Variants in CAMK1D observed in about 807,000 individuals in gnomAD.
CAMK1D encodes calcium/calmodulin-dependent protein kinase type 1D.
Under a neutral mutation model 47.7 loss-of-function variants are expected in CAMK1D, and 9 were observed. The ratio of observed to expected loss-of-function variants is 0.19; its 90% CI spans 0.11 to 0.33. The LOEUF is 0.33. Among genes scored for constraint, CAMK1D ranks in the 10% least tolerant of loss-of-function variants. CAMK1D has a pLI of 1.00. For missense variants in CAMK1D, 291 were observed against 488.7 expected, an observed-to-expected ratio of 0.60 and a Z score of 3.81; for synonymous variants, 184 against 184.9, an observed-to-expected ratio of 0.99 and a Z score of 0.04.
chr10:12,633,861 G>T (rs758570360), intron 2 of CAMK1D, among the ~76,000 whole-genome samples: 8 of 152,174 alleles, frequency 5.3e-5, no homozygotes, highest in Non-Finnish European at 8.8e-5. Context: ...CCAGCCAGGA[G>T]TTACTCTTTT....
At chr10:12,577,773 G>A (rs556236284) in intron 2 of CAMK1D, among the ~76,000 whole-genome samples, 7 of 152,320 alleles carry the variant, frequency 4.6e-5, no homozygotes, top group African/African-American at 1.7e-4. Flanking sequence ...ATGCTTGGCT[G>A]ACATCGTTAA....
chr10:12,397,983 C>G (rs1424114339), intron 1 of CAMK1D, among the ~76,000 whole-genome samples: 1 of 152,128 alleles, frequency 6.6e-6, no homozygotes, highest in African/African-American at 2.4e-5. Context: ...GCCGTCTACC[C>G]CCTCCCACAC....
chr10:12,670,152 C>A lies in CAMK1D; in HGVS notation c.299+3342C>A, dbSNP rs1257776895. 1.6e-4 allele frequency among the ~76,000 whole-genome samples: 18 copies of A among 113,512 alleles called. No homozygotes were observed. The Admixed American group carries it at 1.6e-3, about 10-fold the overall frequency. 74.5% of individuals were successfully genotyped at this position (113,512 alleles called of 152,430 possible). A position where few individuals can be genotyped will look rare whatever the true frequency, so the allele number is the denominator to read the frequency against. ...TTTTTTTTTTTTTTTTTTTGGCCAG[C>A]GGTATGTGTCAGTTCCTGTTGCTCT... is the stretch of plus-strand genomic sequence containing the variant. On this transcript the variant is annotated intron_variant, in intron 3 of 10. Transcript: ENST00000619168.
chr10:12,615,476 G>C (rs950142692), intron 2 of CAMK1D, among the ~76,000 whole-genome samples: 1 of 151,408 alleles, frequency 6.6e-6, no homozygotes, highest in South Asian at 2.1e-4. Flanking sequence ...GTGTGTGCAC[G>C]TGTGTAGGTG....
intron 1 of CAMK1D, among the ~76,000 whole-genome samples, chr10:12,423,037 C>T (rs945902018): frequency 6.6e-6 from 1 of 151,864 alleles, no homozygotes; most frequent in Admixed American, 6.6e-5. Flanking sequence ...GGAGGGTTTG[C>T]TTTTGTACAT....
intron 3 of CAMK1D, among the ~76,000 whole-genome samples, chr10:12,753,985 G>A (rs1191157811): frequency 1.3e-5 from 2 of 152,086 alleles, no homozygotes; most frequent in Non-Finnish European, 2.9e-5. Flanking sequence ...CCACCTCCCG[G>A]GCTCAAGCGA....
At chr10:12,436,085 G>A (rs1832626502) in intron 1 of CAMK1D, among the ~76,000 whole-genome samples, 1 of 152,212 alleles carries the variant, frequency 6.6e-6, no homozygotes, top group Admixed American at 6.5e-5. Flanking sequence ...AGCTCGGGAA[G>A]GAAGGCTTGC....
intron 3 of CAMK1D, among the ~76,000 whole-genome samples, chr10:12,722,591 G>T (rs1461187179): frequency 2.6e-5 from 4 of 151,376 alleles, no homozygotes; most frequent in African/African-American, 9.7e-5. Flanking sequence ...ACTTCATAGA[G>T]AAGTTATGAG....
intron 6 of CAMK1D, among the ~76,000 whole-genome samples, chr10:12,799,221 T>A (rs1039850220): frequency 2.6e-5 from 4 of 152,164 alleles, no homozygotes; most frequent in African/African-American, 9.7e-5. Context: ...CTCCTTGCCG[T>A]CCACGTTCCA....
At chr10:12,713,068 G>A (rs961033181) in intron 3 of CAMK1D, among the ~76,000 whole-genome samples, 12 of 152,026 alleles carry the variant, frequency 7.9e-5, no homozygotes, top group Admixed American at 1.3e-4. Flanking sequence ...CTGTTAAGTG[G>A]GTGCCTCCCT....
At chr10:12,812,551 G>T (rs914572902) in intron 6 of CAMK1D, among the ~76,000 whole-genome samples, 1 of 152,216 alleles carries the variant, frequency 6.6e-6, no homozygotes, top group Non-Finnish European at 1.5e-5. Flanking sequence ...AGGAGGTAGA[G>T]GTTGCAGTGA....
intron 1 of CAMK1D, among the ~76,000 whole-genome samples, chr10:12,548,438 C>A (rs989956579): frequency 6.9e-6 from 1 of 144,116 alleles, no homozygotes; most frequent in African/African-American, 2.6e-5. Context: ...TAAACTTTAC[C>A]ATTTTAAGCT....
chr10:12,639,533 C>T (rs573364501), intron 2 of CAMK1D, among the ~76,000 whole-genome samples: 2 of 152,208 alleles, frequency 1.3e-5, no homozygotes, highest in African/African-American at 4.8e-5. Context: ...GGGCTTTAAG[C>T]TCATCCTTGC....
chr10:12,357,563 A>G (rs1464184034), intron 1 of CAMK1D, among the ~76,000 whole-genome samples: 1 of 152,050 alleles, frequency 6.6e-6, no homozygotes. Context: ...TGATCTGCTC[A>G]CCTCAGCCTC....
intron 3 of CAMK1D, among the ~76,000 whole-genome samples, chr10:12,677,350 C>G (rs1438985663): frequency 1.3e-4 from 20 of 151,858 alleles, no homozygotes; most frequent in Admixed American, 1.2e-3. Context: ...TATAAATTAC[C>G]AAAATCTTAT....
chr10:12,367,241 C>T (rs1264930540), intron 1 of CAMK1D, among the ~76,000 whole-genome samples: 1 of 152,124 alleles, frequency 6.6e-6, no homozygotes, highest in East Asian at 1.9e-4. Flanking sequence ...CATGCACAGT[C>T]CTGCTTTCTG....
chr10:12,648,888 AT>A (rs1839883750), intron 2 of CAMK1D, among the ~76,000 whole-genome samples: 1 of 151,928 alleles, frequency 6.6e-6, no homozygotes. Flanking sequence ...TTATTTTTTA[AT>A]TTTTTGGAGA....
chr10:12,683,977 A>G (rs984594046), intron 3 of CAMK1D, among the ~76,000 whole-genome samples: 1 of 152,128 alleles, frequency 6.6e-6, no homozygotes, highest in Admixed American at 6.6e-5. Flanking sequence ...ATGAGGTTTC[A>G]TTGCATACAA....
intron 3 of CAMK1D, among the ~76,000 whole-genome samples, chr10:12,708,324 A>C (rs771396257): frequency 3.3e-5 from 5 of 150,000 alleles, no homozygotes; most frequent in Non-Finnish European, 7.4e-5. Flanking sequence ...AAAGAGATGG[A>C]GTTTGGGTGG....
Sources: gnomAD v4.1 joint callset for allele counts (sites outside exome capture counted in the v4.1 genomes callset) on GRCh38, gnomAD v4.1.1 for gene constraint, MANE v1.5 for transcripts, NCBI Gene and HGNC (gene_info 2026-07-23, HGNC 2026-07-21) for gene names.